TRAF3: variants seen among roughly 807,000 people sequenced by gnomAD.
The protein encoded by TRAF3 is TNF receptor associated factor 3.
TRAF3 carries 13 observed loss-of-function variants against 62.3 expected under a neutral mutation model. The observed-to-expected ratio is 0.21, with a 90% CI of 0.14 to 0.33. The LOEUF is 0.33. Among genes scored for constraint, TRAF3 ranks in the 10% least tolerant of loss-of-function variants. The pLI, the probability that TRAF3 is intolerant of heterozygous loss-of-function variation, is 1.00. For synonymous variants in TRAF3, 269 were observed against 283.4 expected (o/e 0.95, Z 0.51); for missense variants, 440 against 741.8 (o/e 0.59, Z 4.73).
In TRAF3 at chr14:102,897,288, G is replaced by A; in HGVS notation, c.847G>A (p.Glu283Lys). Residue 283 changes from glutamate (E) to lysine (K), a missense_variant, in exon 10 of 12, where the codon GAA (glutamate) becomes AAA (lysine). Around this residue, in one of 6 missense-constraint regions of TRAF3, gnomAD observed 255 missense variants for 424.1 expected, o/e 0.60. Transcript: ENST00000392745. ...TTCCTTGTTGCAGAATGAAAGTGTA[G>A]AAAAAAACAAGAGCATACAAAGTTT... ...KVSLLQNESVEKNKSIQSLHN... is the reference protein window; with the variant it reads ...KVSLLQNESVKKNKSIQSLHN... 1 of 1,613,330 alleles carries A rather than the reference G, an allele frequency of 6.2e-7. No homozygotes were observed. Among genetic ancestry groups the A allele is most frequent in the Non-Finnish European group, 8.5e-7 (1 of 1,179,710 alleles).
At chr14:102,785,195 T>C (rs1897434977) in intron 1 of TRAF3, among the ~76,000 whole-genome samples, 1 of 152,252 alleles carries the variant, frequency 6.6e-6, no homozygotes, top group Non-Finnish European at 1.5e-5. Flanking sequence ...GTATTTTTCA[T>C]GCAGCCTTTC....
chr14:102,859,740 T>TCA (rs1475377355), intron 2 of TRAF3, among the ~76,000 whole-genome samples: 1 of 152,228 alleles, frequency 6.6e-6, no homozygotes, highest in East Asian at 1.9e-4. Flanking sequence ...GCCTTTTATA[T>TCA]CACACACACA....
chr14:102,785,117 A>C (rs1396374902), intron 1 of TRAF3, among the ~76,000 whole-genome samples: 2 of 152,158 alleles, frequency 1.3e-5, no homozygotes, highest in Admixed American at 1.3e-4. Flanking sequence ...TCAGATTCTA[A>C]ACTTCTTAGT....
chr14:102,811,778 C>T (rs1595311537), intron 1 of TRAF3, among the ~76,000 whole-genome samples: 1 of 150,164 alleles, frequency 6.7e-6, no homozygotes, highest in Non-Finnish European at 1.5e-5. Flanking sequence ...CAGACTGTCT[C>T]ACTCTGCCAC....
intron 1 of TRAF3, among the ~76,000 whole-genome samples, chr14:102,821,585 A>T (rs1437042072): frequency 6.6e-6 from 1 of 152,236 alleles, no homozygotes; most frequent in Non-Finnish European, 1.5e-5. Flanking sequence ...TTATAAAGTA[A>T]AAAATACCTG....
chr14:102,872,757 T>C (rs904495337), intron 4 of TRAF3, among the ~76,000 whole-genome samples: 1 of 151,868 alleles, frequency 6.6e-6, no homozygotes, highest in Admixed American at 6.6e-5. Context: ...AATGGCACGA[T>C]CTTGGCTCGC....
At chr14:102,779,153 C>G (rs1897164916) in intron 1 of TRAF3, among the ~76,000 whole-genome samples, 1 of 151,940 alleles carries the variant, frequency 6.6e-6, no homozygotes, top group Non-Finnish European at 1.5e-5. Flanking sequence ...TGGTGAAAAT[C>G]AGACCTTATC....
chr14:102,889,106 A>G (rs1889566077), intron 7 of TRAF3, among the ~76,000 whole-genome samples: 1 of 152,226 alleles, frequency 6.6e-6, no homozygotes, highest in Non-Finnish European at 1.5e-5. Flanking sequence ...GTAATGGTAC[A>G]TTGTGTAAGC....
chr14:102,813,080 A>G (rs945289580), intron 1 of TRAF3, among the ~76,000 whole-genome samples: 40 of 151,788 alleles, frequency 2.6e-4, no homozygotes, highest in Admixed American at 2.3e-3. Context: ...GGTTCAAGCA[A>G]TTTTCCTGCC....
chr14:102,847,811 G>A (rs1206428442), intron 2 of TRAF3, among the ~76,000 whole-genome samples: 1 of 152,158 alleles, frequency 6.6e-6, no homozygotes, highest in Non-Finnish European at 1.5e-5. Flanking sequence ...TTCAGCAGAT[G>A]TATTTGACTT....
intron 2 of TRAF3, among the ~76,000 whole-genome samples, chr14:102,851,192 A>G (rs565799701): frequency 6.6e-6 from 1 of 152,354 alleles, no homozygotes; most frequent in Admixed American, 6.5e-5. Flanking sequence ...TAGAATTGCC[A>G]TTAACTTATA....
At position 102,794,989 on chromosome 14, in the gene TRAF3, G is replaced by C. The variant is rs967473390; in HGVS notation, c.-157+17314G>C. ...TCCCTTTTATTTTAAATAATATTGT[G>C]GGGTTTTAATATTTCTCTCTGTTCT... On this transcript the variant is annotated intron_variant, in intron 1 of 11. Transcript: ENST00000392745. Among the ~76,000 whole-genome samples, 3 of 151,956 alleles carry C rather than the reference G, an allele frequency of 2.0e-5. No homozygotes were observed. In the South Asian group the frequency reaches 6.2e-4, roughly 31 times the overall value.
intron 1 of TRAF3, among the ~76,000 whole-genome samples, chr14:102,811,550 G>GTTTTTTTT (rs35064640): frequency 1.4e-4 from 11 of 79,472 alleles, no homozygotes; most frequent in Non-Finnish European, 2.3e-4. Flanking sequence ...GCTGTAGGCG[G>GTTTTTTTT]TTTTTTTTTT....
chr14:102,838,345 A>G (rs188496672), intron 2 of TRAF3, among the ~76,000 whole-genome samples: 2 of 152,338 alleles, frequency 1.3e-5, no homozygotes, highest in Non-Finnish European at 1.5e-5. Context: ...AGGCAAGTAC[A>G]GGCTTGTAAG....
chr14:102,900,381 A>G (rs112520413), intron 10 of TRAF3, among the ~76,000 whole-genome samples: 8,143 of 149,824 alleles, frequency 0.054, 306 homozygotes, highest in Non-Finnish European at 0.081. Context: ...GGCATCTGTA[A>G]TCCCAGCTAC....
chr14:102,892,843 A>G (rs975768054), intron 9 of TRAF3, among the ~76,000 whole-genome samples: 1 of 152,234 alleles, frequency 6.6e-6, no homozygotes, highest in African/African-American at 2.4e-5. Flanking sequence ...TCCTGTGCAC[A>G]CACACGGAGC....
chr14:102,855,905 A>T (rs1887337326), intron 2 of TRAF3, among the ~76,000 whole-genome samples: 1 of 152,004 alleles, frequency 6.6e-6, no homozygotes, highest in Non-Finnish European at 1.5e-5. Flanking sequence ...CAACCTGGGC[A>T]ATATAATGAC....
chr14:102,806,515 CTT>C (rs1898781815), intron 1 of TRAF3, among the ~76,000 whole-genome samples: 1 of 152,206 alleles, frequency 6.6e-6, no homozygotes, highest in Non-Finnish European at 1.5e-5. Context: ...GTTCCCCAAA[CTT>C]ATGTCTTTAG....
chr14:102,777,904 C>T (rs1271816028), intron 1 of TRAF3, among the ~76,000 whole-genome samples: 1 of 149,484 alleles, frequency 6.7e-6, no homozygotes, highest in Non-Finnish European at 1.5e-5. Context: ...GCCTCAACTT[C>T]GGCAAACTTT....
Sources: gnomAD v4.1 joint callset for allele counts (sites outside exome capture counted in the v4.1 genomes callset) on GRCh38, gnomAD v4.1.1 for gene constraint, gnomAD v4.1.1 regional missense constraint, MANE v1.5 for transcripts, NCBI Gene and HGNC (gene_info 2026-07-23, HGNC 2026-07-21) for gene names.